The following SLX4IP variants were observed in gnomAD, a reference collection of about 807,000 sequenced individuals.
The protein encoded by SLX4IP is protein SLX4IP.
SLX4IP carries 34 observed loss-of-function variants against 32.9 expected under a neutral mutation model. That is an observed-to-expected ratio of 1.03 (90% CI 0.79 to 1.38). The LOEUF is 1.38. SLX4IP is among the 40% of genes most tolerant of loss of function. SLX4IP has a pLI of 0.00. For missense variants in SLX4IP, 444 were observed against 479.0 expected (o/e 0.93, Z 0.68); for synonymous variants, 172 against 171.7 (o/e 1.00, Z -0.01).
At chr20:10,438,216 C>CT (rs34236396) in intron 1 of SLX4IP, among the ~76,000 whole-genome samples, 5,602 of 140,964 alleles carry the variant, frequency 0.04, 133 homozygotes, top group African/African-American at 0.074. Flanking sequence ...TGGAAGAGGC[C>CT]TTTTTTTTTT....
At chr20:10,543,153 C>T (rs189795949) in intron 2 of SLX4IP, among the ~76,000 whole-genome samples, 7 of 152,274 alleles carry the variant, frequency 4.6e-5, no homozygotes, top group Non-Finnish European at 8.8e-5. Context: ...GAGCTCCTAC[C>T]ATGTGCCAGG....
At chr20:10,527,327 C>G (rs920677344) in intron 2 of SLX4IP, among the ~76,000 whole-genome samples, 1 of 152,174 alleles carries the variant, frequency 6.6e-6, no homozygotes, top group Non-Finnish European at 1.5e-5. Context: ...AAGAACAACT[C>G]TGGCAGGAAG....
chr20:10,533,181 T>G (rs1292609628), intron 2 of SLX4IP, among the ~76,000 whole-genome samples: 1 of 152,124 alleles, frequency 6.6e-6, no homozygotes, highest in African/African-American at 2.4e-5. Context: ...AAAACAGAGA[T>G]CCACTTTGAA....
intron 4 of SLX4IP, among the ~76,000 whole-genome samples, chr20:10,593,083 G>A (rs932060083): frequency 1.3e-5 from 2 of 152,162 alleles, no homozygotes; most frequent in African/African-American, 2.4e-5. Context: ...ACTGGAAACA[G>A]TCACATGTCT....
chr20:10,464,178 T>C (rs1311675885), intron 2 of SLX4IP, among the ~76,000 whole-genome samples: 1 of 152,040 alleles, frequency 6.6e-6, no homozygotes, highest in South Asian at 2.1e-4. Flanking sequence ...AGAGGCCATT[T>C]TGTTTTTTTG....
chr20:10,559,123 T>G (rs2066302690), intron 3 of SLX4IP, among the ~76,000 whole-genome samples: 1 of 151,534 alleles, frequency 6.6e-6, no homozygotes, highest in African/African-American at 2.4e-5. Context: ...CTTTAATTGT[T>G]TTTTAAAAAA....
At chr20:10,615,238 C>G (rs933426964) in intron 6 of SLX4IP, among the ~76,000 whole-genome samples, 1 of 152,166 alleles carries the variant, frequency 6.6e-6, no homozygotes, top group African/African-American at 2.4e-5. Flanking sequence ...CCCAGCACTT[C>G]ACCAAAAACA....
chr20:10,605,981 T>A (rs985217016), intron 6 of SLX4IP, among the ~76,000 whole-genome samples: 2 of 152,198 alleles, frequency 1.3e-5, no homozygotes, highest in African/African-American at 2.4e-5. Flanking sequence ...TTAGCTTGGC[T>A]GTTATAGTCC....
chr20:10,616,535 C>T (rs1367636532), intron 6 of SLX4IP, among the ~76,000 whole-genome samples: 1 of 152,082 alleles, frequency 6.6e-6, no homozygotes, highest in African/African-American at 2.4e-5. Flanking sequence ...TCTGCCTTTT[C>T]ACCACCAGTA....
intron 2 of SLX4IP, among the ~76,000 whole-genome samples, chr20:10,511,704 A>T (rs1274107793): frequency 6.6e-6 from 1 of 152,196 alleles, no homozygotes; most frequent in Non-Finnish European, 1.5e-5. Flanking sequence ...AAGGACCCAC[A>T]GTTAGGTGGC....
At chr20:10,494,891 G>A (rs765873198) in intron 2 of SLX4IP, among the ~76,000 whole-genome samples, 5 of 152,136 alleles carry the variant, frequency 3.3e-5, no homozygotes, top group East Asian at 1.9e-4. Flanking sequence ...CAAAGTTTCA[G>A]TTAGGAGAAA....
chr20:10,626,037 CAG>C lies in SLX4IP; in HGVS notation c.*2661_*2662del, dbSNP rs2067168814. 1 of 107,982 alleles carries C rather than the reference CAG, an allele frequency of 9.3e-6. No homozygotes were observed. Among genetic ancestry groups the C allele is most frequent in the Non-Finnish European group, 1.8e-5 (1 of 56,542 alleles). 6.7% of individuals were successfully genotyped at this position (107,982 alleles called of 1,614,324 possible). On this transcript the variant is annotated 3_prime_UTR_variant, in exon 8 of 8. Transcript: ENST00000334534. ...TTTTTTTTTTTTTTTTTTTTTGAGACAGAGTCTCGCTCTGTCGCCCAGGCTGG... is the reference window on the plus strand; with the variant it reads ...TTTTTTTTTTTTTTTTTTTTTGAGACAGTCTCGCTCTGTCGCCCAGGCTGG...
intron 6 of SLX4IP, 96 bp downstream of exon 6, chr20:10,601,915 G>A (rs1335282576): frequency 7.6e-6 from 8 of 1,059,380 alleles, no homozygotes; most frequent in Non-Finnish European, 1.1e-5. Flanking sequence ...TTGTCATTCA[G>A]CTGATGAGCA....
Position 10,445,643 on chromosome 20 carries a change from G to A in SLX4IP, c.-30+10190G>A, listed in dbSNP as rs530330865. Among the ~76,000 whole-genome samples the A allele has an allele frequency of 7.0e-3, 668 of 95,602 alleles. 2 individuals are homozygous for A. The highest frequency in any genetic ancestry group is 0.034 in the Middle Eastern group (4 of 116). The allele number at this position is 95,602 out of a possible 152,430, so 62.7% of individuals were successfully genotyped here. On this transcript the variant is annotated intron_variant, in intron 1 of 7. Coordinates refer to ENST00000334534, the MANE Select transcript of SLX4IP (RefSeq NM_001009608.3). ...GAGATTGCCCTTTTTTTTTTTTTTT[G>A]AGATGGAGTCTCACTCTGTCACTCA...
chr20:10,474,103 G>C (rs536478376), intron 2 of SLX4IP, among the ~76,000 whole-genome samples: 2 of 151,946 alleles, frequency 1.3e-5, no homozygotes, highest in Admixed American at 6.6e-5. Context: ...GATTACAGGC[G>C]TGAGCCACGG....
intron 2 of SLX4IP, among the ~76,000 whole-genome samples, chr20:10,555,553 G>T (rs968652330): frequency 2.0e-5 from 3 of 152,126 alleles, no homozygotes; most frequent in South Asian, 4.1e-4. Context: ...GCCACATATG[G>T]CTATCTTATT....
intron 4 of SLX4IP, among the ~76,000 whole-genome samples, chr20:10,581,383 G>A (rs548820987): frequency 3.3e-5 from 5 of 152,268 alleles, no homozygotes; most frequent in Admixed American, 1.3e-4. Flanking sequence ...ACTGAGAAAA[G>A]ATGAAGACAA....
intron 2 of SLX4IP, among the ~76,000 whole-genome samples, chr20:10,498,501 G>A (rs2065688743): frequency 6.6e-6 from 1 of 151,912 alleles, no homozygotes; most frequent in Admixed American, 6.6e-5. Context: ...CTTATTTCAG[G>A]TCCATTTCTG....
At chr20:10,438,407 C>T (rs1334907231) in intron 1 of SLX4IP, among the ~76,000 whole-genome samples, 1 of 151,786 alleles carries the variant, frequency 6.6e-6, no homozygotes, top group Admixed American at 6.6e-5. Context: ...CCAGCCACTC[C>T]TCTTCCAGGA....
Sources: gnomAD v4.1 joint callset for allele counts (sites outside exome capture counted in the v4.1 genomes callset) on GRCh38, gnomAD v4.1.1 for gene constraint, MANE v1.5 for transcripts, NCBI Gene and HGNC (gene_info 2026-07-23, HGNC 2026-07-21) for gene names.